FBXL17: variants seen among roughly 807,000 people sequenced by gnomAD.
FBXL17 encodes F-box and leucine rich repeat protein 17.
A neutral mutation model predicts 66.2 loss-of-function variants in FBXL17; 22 were observed. That is an observed-to-expected ratio of 0.33 (90% CI 0.24 to 0.47). FBXL17 has a LOEUF of 0.47. Among genes scored for constraint, FBXL17 ranks in the 20% least tolerant of loss-of-function variants. The pLI, the probability that FBXL17 is intolerant of heterozygous loss-of-function variation, is 1.00. For missense variants in FBXL17, 878 were observed against 948.2 expected, an observed-to-expected ratio of 0.93 and a Z score of 0.97; for synonymous variants, 474 against 400.5, an observed-to-expected ratio of 1.18 and a Z score of -2.19.
intron 4 of FBXL17, among the ~76,000 whole-genome samples, chr5:108,262,053 A>ATTT (rs200027378): frequency 3.4e-5 from 5 of 146,904 alleles, no homozygotes; most frequent in Non-Finnish European, 7.5e-5. Context: ...AGTGATACAT[A>ATTT]TTTTATTTAT....
chr5:108,245,710 C>T (rs1756064588), intron 4 of FBXL17, among the ~76,000 whole-genome samples: 2 of 152,136 alleles, frequency 1.3e-5, no homozygotes, highest in South Asian at 4.2e-4. Flanking sequence ...GCACAGAAGA[C>T]ATTTTCTTTG....
chr5:108,190,258 T>A (rs1234150827), intron 5 of FBXL17, among the ~76,000 whole-genome samples: 1 of 152,094 alleles, frequency 6.6e-6, no homozygotes. Flanking sequence ...AAGCACAGAG[T>A]GAGAGGCTTA....
At chr5:108,208,516 A>G (rs2150057621) in intron 5 of FBXL17, among the ~76,000 whole-genome samples, 1 of 152,280 alleles carries the variant, frequency 6.6e-6, no homozygotes, top group Admixed American at 6.5e-5. Flanking sequence ...GTCCAGTTTC[A>G]GTTTTCTGCA....
chr5:108,108,755 C>T (rs899948513), intron 6 of FBXL17, among the ~76,000 whole-genome samples: 1 of 151,164 alleles, frequency 6.6e-6, no homozygotes, highest in African/African-American at 2.4e-5. Context: ...TATGTTTCCC[C>T]AGTGGGCCAA....
intron 6 of FBXL17, among the ~76,000 whole-genome samples, chr5:108,144,188 AAGG>A (rs897009003): frequency 7.2e-5 from 11 of 152,176 alleles, no homozygotes; most frequent in Non-Finnish European, 1.5e-4. Context: ...TTCTCAAACC[AAGG>A]AGAAGACTGT....
chr5:108,351,376 T>C (rs991787539), intron 3 of FBXL17, among the ~76,000 whole-genome samples: 3 of 152,104 alleles, frequency 2.0e-5, no homozygotes, highest in Non-Finnish European at 2.9e-5. Flanking sequence ...CAAACAAACA[T>C]GCCAGGGGAA....
chr5:107,909,029 C>T (rs969176873), intron 7 of FBXL17, among the ~76,000 whole-genome samples: 8 of 152,070 alleles, frequency 5.3e-5, no homozygotes, highest in African/African-American at 1.7e-4. Flanking sequence ...TTAACTGAAC[C>T]TGTGATAGTC....
chr5:107,932,037 A>G (rs1002405412), intron 7 of FBXL17, among the ~76,000 whole-genome samples: 3 of 152,170 alleles, frequency 2.0e-5, no homozygotes, highest in African/African-American at 7.2e-5. Context: ...GGGCTCATGA[A>G]TCTGCATTTT....
intron 7 of FBXL17, among the ~76,000 whole-genome samples, chr5:107,934,615 C>T (rs1350675138): frequency 6.6e-6 from 1 of 152,102 alleles, no homozygotes; most frequent in Non-Finnish European, 1.5e-5. Context: ...CTCGTTCTCT[C>T]ACTAGGCACT....
chr5:108,119,665 C>A (rs961934084), intron 6 of FBXL17, among the ~76,000 whole-genome samples: 3 of 152,190 alleles, frequency 2.0e-5, no homozygotes, highest in African/African-American at 7.2e-5. Flanking sequence ...GAGGAATTAG[C>A]TGTATAGTAA....
At chr5:107,871,307 A>G (rs545209061) in intron 8 of FBXL17, among the ~76,000 whole-genome samples, 75 of 152,264 alleles carry the variant, frequency 4.9e-4, no homozygotes, top group African/African-American at 1.6e-3. Flanking sequence ...CACTGCTTCT[A>G]TTCACTTGAA....
At chr5:107,906,869 T>C (rs1432295446) in intron 7 of FBXL17, among the ~76,000 whole-genome samples, 1 of 152,186 alleles carries the variant, frequency 6.6e-6, no homozygotes, top group Non-Finnish European at 1.5e-5. Flanking sequence ...AATATTTAGG[T>C]AGCTTATAAT....
chr5:108,298,724 T>G lies in FBXL17; in HGVS notation c.1506+49675A>C, dbSNP rs1332623454. 5 of 757,812 alleles carry G rather than the reference T, an allele frequency of 6.6e-6. No individual in the cohort carries two copies. In the East Asian group the frequency reaches 6.4e-4, roughly 98 times the overall value. The allele number at this position is 757,812 out of a possible 1,614,324, so 46.9% of individuals were successfully genotyped here. A position where few individuals can be genotyped will look rare whatever the true frequency, so the allele number is the denominator to read the frequency against. ...AAAAGTATCAAAGTCTTATAATTCC[T>G]AATTCAATTTAATTTTTAAATCCAT... On this transcript the variant is annotated intron_variant, in intron 4 of 8. Coordinates refer to ENST00000542267, the MANE Select transcript of FBXL17 (RefSeq NM_001163315.3).
At chr5:108,083,112 G>A (rs1748830413) in intron 6 of FBXL17, among the ~76,000 whole-genome samples, 1 of 151,988 alleles carries the variant, frequency 6.6e-6, no homozygotes, top group Middle Eastern at 3.4e-3. Context: ...ATTTAAGAAG[G>A]TGTAAAATAG....
At chr5:107,864,670 A>T (rs1748223877) in intron 8 of FBXL17, among the ~76,000 whole-genome samples, 1 of 152,004 alleles carries the variant, frequency 6.6e-6, no homozygotes, top group Admixed American at 6.6e-5. Context: ...CACCTCCCCC[A>T]ACTCTCTCTC....
intron 5 of FBXL17, among the ~76,000 whole-genome samples, chr5:108,201,482 C>G (rs1201121239): frequency 2.0e-5 from 3 of 151,970 alleles, no homozygotes; most frequent in Non-Finnish European, 4.4e-5. Context: ...GTATTTTATA[C>G]ATGTACAAAG....
At chr5:107,874,112 T>C (rs886589633) in intron 8 of FBXL17, among the ~76,000 whole-genome samples, 2 of 152,150 alleles carry the variant, frequency 1.3e-5, no homozygotes, top group Non-Finnish European at 2.9e-5. Flanking sequence ...AAGGACTGAC[T>C]TCTACCGGTT....
At chr5:108,228,174 G>T (rs1414061238) in intron 4 of FBXL17, among the ~76,000 whole-genome samples, 3 of 152,156 alleles carry the variant, frequency 2.0e-5, no homozygotes, top group Non-Finnish European at 4.4e-5. Context: ...TGGAAAGCAA[G>T]ACAAGATTGT....
intron 7 of FBXL17, among the ~76,000 whole-genome samples, chr5:107,953,561 T>C (rs939613294): frequency 2.0e-5 from 3 of 152,110 alleles, no homozygotes; most frequent in Non-Finnish European, 4.4e-5. Flanking sequence ...CTTTCTAGCT[T>C]TGGTATCTCA....
Sources: allele counts gnomAD v4.1 joint callset (sites outside exome capture counted in the v4.1 genomes callset), GRCh38; gene constraint gnomAD v4.1.1; transcripts MANE v1.5; gene names NCBI Gene and HGNC (gene_info 2026-07-23, HGNC 2026-07-21).